The following HMBOX1 variants were observed in gnomAD, a reference collection of about 807,000 sequenced individuals.
HMBOX1 encodes the protein homeobox-containing protein 1.
HMBOX1 carries 14 observed loss-of-function variants against 54.5 expected under a neutral mutation model. The ratio of observed to expected loss-of-function variants is 0.26; its 90% CI spans 0.17 to 0.40. The LOEUF is 0.40. Among genes scored for constraint, HMBOX1 ranks in the 10% least tolerant of loss-of-function variants. HMBOX1 has a pLI of 1.00. For synonymous variants in HMBOX1, 160 were observed against 181.0 expected, an observed-to-expected ratio of 0.88 and a Z score of 0.93; for missense variants, 332 against 514.4, an observed-to-expected ratio of 0.65 and a Z score of 3.43.
intron 1 of HMBOX1, among the ~76,000 whole-genome samples, chr8:28,902,127 A>G (rs1020167527): frequency 3.9e-5 from 6 of 152,294 alleles, no homozygotes; most frequent in Admixed American, 1.3e-4. Context: ...TCCTAGTTGA[A>G]GTGTAAGATC....
chr8:29,046,534 G>A (rs2133368164), intron 7 of HMBOX1: 1 of 152,376 alleles, frequency 6.6e-6, no homozygotes, highest in East Asian at 1.9e-4. Context: ...GTGCTATGTA[G>A]TCCAAACCAG....
At chr8:28,997,698 C>T (rs140819566) in intron 4 of HMBOX1, among the ~76,000 whole-genome samples, 71 of 152,214 alleles carry the variant, frequency 4.7e-4, no homozygotes, top group African/African-American at 1.7e-3. Flanking sequence ...CAGGTGTGCG[C>T]CATCATGCCT....
intron 4 of HMBOX1, among the ~76,000 whole-genome samples, chr8:28,993,078 A>G (rs1436214979): frequency 6.6e-6 from 1 of 151,670 alleles, no homozygotes; most frequent in African/African-American, 2.4e-5. Context: ...AAATGATTCC[A>G]TATTGGTATA....
intron 1 of HMBOX1, among the ~76,000 whole-genome samples, chr8:28,903,978 T>G (rs1308168088): frequency 2.0e-5 from 3 of 152,098 alleles, no homozygotes; most frequent in African/African-American, 7.2e-5. Flanking sequence ...CAAACATCCT[T>G]CAGTTTACAG....
chr8:29,004,066 G>C (rs968820006), intron 4 of HMBOX1, among the ~76,000 whole-genome samples: 4 of 152,104 alleles, frequency 2.6e-5, no homozygotes, highest in Non-Finnish European at 2.9e-5. Flanking sequence ...GTAAGAGTGT[G>C]GGGGGAAAGT....
At chr8:29,014,515 C>G (rs1434874973) in intron 5 of HMBOX1, among the ~76,000 whole-genome samples, 1 of 151,976 alleles carries the variant, frequency 6.6e-6, no homozygotes, top group African/African-American at 2.4e-5. Flanking sequence ...TAGAGTGTTT[C>G]CAGAGTACTT....
chr8:29,049,860 T>A (rs930575902), intron 9 of HMBOX1, among the ~76,000 whole-genome samples: 1 of 152,234 alleles, frequency 6.6e-6, no homozygotes, highest in African/African-American at 2.4e-5. Flanking sequence ...GTCTGTGCTT[T>A]TTTCTTGCTC....
intron 1 of HMBOX1, among the ~76,000 whole-genome samples, chr8:28,925,080 G>A (rs1409952552): frequency 1.3e-5 from 2 of 150,860 alleles, no homozygotes; most frequent in Admixed American, 6.6e-5. Context: ...ATCTGTTTTT[G>A]TTCAGTCATA....
intron 4 of HMBOX1, among the ~76,000 whole-genome samples, chr8:28,983,712 T>C (rs1441376356): frequency 6.6e-6 from 1 of 152,186 alleles, no homozygotes; most frequent in Non-Finnish European, 1.5e-5. Flanking sequence ...GCTATACATG[T>C]GAAAATTTGT....
At chr8:28,892,619 T>G (rs1811237682) in intron 1 of HMBOX1, among the ~76,000 whole-genome samples, 4 of 151,998 alleles carry the variant, frequency 2.6e-5, no homozygotes, top group Admixed American at 2.6e-4. Flanking sequence ...ATTGATAGAG[T>G]GTGTAATTTT....
intron 6 of HMBOX1, among the ~76,000 whole-genome samples, chr8:29,031,597 T>G (rs1047704766): frequency 1.3e-5 from 2 of 151,968 alleles, no homozygotes; most frequent in African/African-American, 2.4e-5. Flanking sequence ...CAACTGGTGC[T>G]CCAGGCCCTA....
chr8:28,955,644 A>C (rs1379758772), intron 1 of HMBOX1, among the ~76,000 whole-genome samples: 1 of 152,144 alleles, frequency 6.6e-6, no homozygotes, highest in Non-Finnish European at 1.5e-5. Context: ...TGATCGAAAC[A>C]ACTCTTTGTA....
At chr8:28,979,137 A>G (rs1211685876) in intron 3 of HMBOX1, among the ~76,000 whole-genome samples, 2 of 152,198 alleles carry the variant, frequency 1.3e-5, no homozygotes, top group Non-Finnish European at 2.9e-5. Flanking sequence ...CCTCTATTCT[A>G]TGTTACTTTT....
At chr8:29,044,925 TAA>T (rs887713884) in intron 6 of HMBOX1, among the ~76,000 whole-genome samples, 2 of 151,816 alleles carry the variant, frequency 1.3e-5, no homozygotes, top group Non-Finnish European at 2.9e-5. Context: ...AATTAGACAA[TAA>T]AAAAAAGTCC....
chr8:28,986,425 G>T (rs1830171542), intron 4 of HMBOX1, among the ~76,000 whole-genome samples: 1 of 152,198 alleles, frequency 6.6e-6, no homozygotes, highest in Non-Finnish European at 1.5e-5. Flanking sequence ...ATATGTCACA[G>T]ACTGTGGAAT....
At chr8:29,014,114 G>C (rs1311400082) in intron 5 of HMBOX1, among the ~76,000 whole-genome samples, 1 of 152,070 alleles carries the variant, frequency 6.6e-6, no homozygotes, top group Non-Finnish European at 1.5e-5. Flanking sequence ...ACCCTGATCA[G>C]CAAGGACATT....
intron 1 of HMBOX1, among the ~76,000 whole-genome samples, chr8:28,925,088 A>G (rs1418091838): frequency 2.0e-5 from 3 of 151,948 alleles, no homozygotes; most frequent in Non-Finnish European, 2.9e-5. Context: ...TTGTTCAGTC[A>G]TAACCTAAGA....
intron 1 of HMBOX1, among the ~76,000 whole-genome samples, chr8:28,932,894 A>G (rs1819702631): frequency 6.6e-6 from 1 of 152,190 alleles, no homozygotes; most frequent in Non-Finnish European, 1.5e-5. Context: ...TAAATCAGAG[A>G]ACCAAGGCAG....
intron 1 of HMBOX1, among the ~76,000 whole-genome samples, chr8:28,962,048 A>G (rs1205615910): frequency 1.3e-5 from 2 of 151,668 alleles, no homozygotes; most frequent in Non-Finnish European, 2.9e-5. Context: ...AGCTGGGATT[A>G]CAGGTGTGAG....
Sources: gnomAD v4.1 joint callset for allele counts (sites outside exome capture counted in the v4.1 genomes callset) on GRCh38, gnomAD v4.1.1 for gene constraint, MANE v1.5 for transcripts, NCBI Gene and HGNC (gene_info 2026-07-23, HGNC 2026-07-21) for gene names.